The following SPIDR variants were observed in gnomAD, a reference collection of about 807,000 sequenced individuals.
The protein encoded by SPIDR is DNA repair-scaffolding protein.
A neutral mutation model predicts 104.6 loss-of-function variants in SPIDR; 93 were observed. The ratio of observed to expected loss-of-function variants is 0.89; its 90% CI spans 0.75 to 1.06. The LOEUF (loss-of-function observed/expected upper bound fraction) is 1.06, where lower values mean the gene tolerates loss of function less well. Ranked by LOEUF, SPIDR falls within the 50% of genes least tolerant of loss-of-function variation. The probability of loss-of-function intolerance (pLI) is 0.00; values close to 1 mark genes in which losing one functional copy is unlikely to be tolerated. For synonymous variants in SPIDR, 431 were observed against 416.9 expected, an observed-to-expected ratio of 1.03 and a Z score of -0.41; for missense variants, 1,154 against 1,111.2, an observed-to-expected ratio of 1.04 and a Z score of -0.55.
At chr8:47,516,052 G>C (rs568452613) in intron 8 of SPIDR, among the ~76,000 whole-genome samples, 1 of 152,136 alleles carries the variant, frequency 6.6e-6, no homozygotes, top group South Asian at 2.1e-4. Context: ...CTCGTGATCC[G>C]CCCGCCTCGG....
intron 8 of SPIDR, among the ~76,000 whole-genome samples, chr8:47,542,560 A>G (rs1367606478): frequency 1.3e-5 from 2 of 152,136 alleles, no homozygotes; most frequent in Non-Finnish European, 2.9e-5. Context: ...CTGCTTGAAA[A>G]TCTTTCAGTT....
rs545768901 is a variant in SPIDR at position 47,536,537 on chromosome 8, G to T, written c.1098-59274G>T. Among the ~76,000 whole-genome samples, 11 of 152,240 alleles carry T rather than the reference G, an allele frequency of 7.2e-5. 1 individual carries two copies. Among genetic ancestry groups the T allele is most frequent in the African/African-American group, 2.2e-4 (9 of 41,560 alleles). On this transcript the variant is annotated intron_variant, in intron 8 of 19. Coordinates refer to ENST00000297423, the MANE Select transcript of SPIDR (RefSeq NM_001080394.4). The stretch of plus-strand genomic sequence containing the variant: ...TTTAATGGAAAAATAATCTTTTCAA[G>T]AAATTGTGCTGGAACACCTGAACAT...
intron 8 of SPIDR, among the ~76,000 whole-genome samples, chr8:47,465,907 A>G (rs2074695177): frequency 6.6e-6 from 1 of 152,164 alleles, no homozygotes; most frequent in East Asian, 1.9e-4. Context: ...TAAACCGACG[A>G]AGATCAAAAA....
intron 10 of SPIDR, among the ~76,000 whole-genome samples, chr8:47,635,709 A>T (rs143322803): frequency 6.6e-6 from 1 of 152,246 alleles, no homozygotes; most frequent in East Asian, 1.9e-4. Context: ...CTGGGGCAAC[A>T]TAGCAAGACC....
intron 10 of SPIDR, among the ~76,000 whole-genome samples, chr8:47,648,646 C>G (rs1243057386): frequency 1.3e-5 from 2 of 152,154 alleles, no homozygotes; most frequent in African/African-American, 4.8e-5. Context: ...GGCAAAGTGA[C>G]TGATTCCAAG....
intron 8 of SPIDR, among the ~76,000 whole-genome samples, chr8:47,572,956 G>C (rs186210033): frequency 7.8e-4 from 118 of 152,168 alleles, no homozygotes; most frequent in Middle Eastern, 3.4e-3. Context: ...GCAGACAAGA[G>C]AATGACATCG....
At chr8:47,277,669 C>CTTTTTTT (rs1209041690) in intron 1 of SPIDR, among the ~76,000 whole-genome samples, 1 of 110,506 alleles carries the variant, frequency 9.0e-6, no homozygotes, top group Non-Finnish European at 1.9e-5. Context: ...TGTTTAACCT[C>CTTTTTTT]TTTTTTTTTT....
intron 5 of SPIDR, among the ~76,000 whole-genome samples, chr8:47,393,694 TTTCCTTTCCTTTCCTTTC>T: frequency 7.7e-6 from 1 of 130,404 alleles, no homozygotes; most frequent in African/African-American, 2.9e-5. Flanking sequence ...TTTCCTTTCC[TTTCCTTTCCTTTCCTTTC>T]CTTTCCTTTC....
intron 11 of SPIDR, among the ~76,000 whole-genome samples, chr8:47,694,068 T>G (rs142877488): frequency 2.0e-5 from 3 of 152,278 alleles, no homozygotes; most frequent in Non-Finnish European, 2.9e-5. Context: ...AAACTACTAT[T>G]TTTATGTCGA....
intron 10 of SPIDR, among the ~76,000 whole-genome samples, chr8:47,613,666 A>G (rs1168660002): frequency 6.6e-6 from 1 of 152,142 alleles, no homozygotes; most frequent in Non-Finnish European, 1.5e-5. Flanking sequence ...TCTTTTTGTA[A>G]CAATAACCAT....
chr8:47,273,263 T>G (rs1299290597), intron 1 of SPIDR, among the ~76,000 whole-genome samples: 1 of 152,206 alleles, frequency 6.6e-6, no homozygotes, highest in African/African-American at 2.4e-5. Flanking sequence ...ACCTTCCTCC[T>G]TAGGTTCGAT....
chr8:47,466,900 A>AAATATATAGATATAT (rs34970317), intron 8 of SPIDR, among the ~76,000 whole-genome samples: 1 of 114,368 alleles, frequency 8.7e-6, no homozygotes, highest in African/African-American at 3.6e-5. Context: ...AAAAAAAAAA[A>AAATATATAGATATAT]ATATATATAT....
At chr8:47,274,639 G>A (rs985649258) in intron 1 of SPIDR, among the ~76,000 whole-genome samples, 4 of 150,384 alleles carry the variant, frequency 2.7e-5, no homozygotes, top group Admixed American at 6.6e-5. Flanking sequence ...GTCCAGTTGC[G>A]CGATTTTGGC....
intron 10 of SPIDR, among the ~76,000 whole-genome samples, chr8:47,649,919 T>C (rs1777379861): frequency 1.3e-5 from 2 of 152,112 alleles, no homozygotes; most frequent in African/African-American, 4.8e-5. Flanking sequence ...CCCTTTATGA[T>C]AAAAACTCTC....
chr8:47,673,216 G>A (rs533647176), intron 10 of SPIDR, among the ~76,000 whole-genome samples: 38 of 152,342 alleles, frequency 2.5e-4, no homozygotes, highest in African/African-American at 9.1e-4. Context: ...AAAAGCTGGG[G>A]GGAATCCCAT....
At chr8:47,571,803 A>G (rs1339323486) in intron 8 of SPIDR, among the ~76,000 whole-genome samples, 1 of 152,236 alleles carries the variant, frequency 6.6e-6, no homozygotes, top group Non-Finnish European at 1.5e-5. Context: ...AACAATTATA[A>G]CAATATACTG....
At chr8:47,402,875 C>T (rs932373184) in intron 6 of SPIDR, among the ~76,000 whole-genome samples, 1 of 152,162 alleles carries the variant, frequency 6.6e-6, no homozygotes, top group East Asian at 1.9e-4. Context: ...CATCCTGATA[C>T]CAAAGCCTGG....
chr8:47,735,019 A>G (rs1563704926), intron 19 of SPIDR, among the ~76,000 whole-genome samples: 1 of 152,144 alleles, frequency 6.6e-6, no homozygotes, highest in Non-Finnish European at 1.5e-5. Flanking sequence ...GTCTGTGTGC[A>G]TCGTGTCCCA....
At chr8:47,706,914 C>A (rs1355609415) in intron 14 of SPIDR, among the ~76,000 whole-genome samples, 1 of 151,910 alleles carries the variant, frequency 6.6e-6, no homozygotes, top group Non-Finnish European at 1.5e-5. Flanking sequence ...GGCCAGGAGC[C>A]CAAGACCACC....
Sources: gnomAD v4.1 joint callset for allele counts (sites outside exome capture counted in the v4.1 genomes callset) on GRCh38, gnomAD v4.1.1 for gene constraint, MANE v1.5 for transcripts, NCBI Gene and HGNC (gene_info 2026-07-23, HGNC 2026-07-21) for gene names.